Variants in EIF3A observed in about 807,000 individuals in gnomAD.
The protein encoded by EIF3A is eukaryotic translation initiation factor 3 subunit A.
A neutral mutation model predicts 186.6 loss-of-function variants in EIF3A; 21 were observed. That is an observed-to-expected ratio of 0.11 (90% CI 0.08 to 0.16). The LOEUF (loss-of-function observed/expected upper bound fraction) is 0.16. Among genes scored for constraint, EIF3A ranks in the 10% least tolerant of loss-of-function variants. The pLI is 1.00. For missense variants in EIF3A, 1,306 were observed against 1,796.3 expected, an observed-to-expected ratio of 0.73 and a Z score of 4.93; for synonymous variants, 563 against 584.3, an observed-to-expected ratio of 0.96 and a Z score of 0.52.
chr10:119,070,629 C>CA (rs1360083976), intron 5 of EIF3A, among the ~76,000 whole-genome samples: 1 of 152,134 alleles, frequency 6.6e-6, no homozygotes, highest in African/African-American at 2.4e-5. Flanking sequence ...GCAGCACTGG[C>CA]AATGTATTGT....
intron 1 of EIF3A, among the ~76,000 whole-genome samples, chr10:119,076,279 G>A (rs1844171431): frequency 6.8e-6 from 1 of 147,286 alleles, no homozygotes; most frequent in Non-Finnish European, 1.5e-5. Flanking sequence ...GTTGCGGTGA[G>A]CCGAGATAGC....
At position 119,042,339 on chromosome 10, in the gene EIF3A, G is replaced by T. The variant is rs1360285001; in HGVS notation, c.3181C>A (p.Arg1061Ser). The T allele has an allele frequency of 6.2e-7, 1 of 1,612,836 alleles. No homozygotes were observed. Among genetic ancestry groups the T allele is most frequent in the South Asian group, 1.1e-5 (1 of 90,996 alleles). ...GGADDERSSWRNADDDRGPRR... is the reference protein window; with the variant it reads ...GGADDERSSWSNADDDRGPRR... ...GGACCCCGGTCATCATCAGCATTAC[G>T]CCAGGATGATCGCTCATCATCAGCG... is the stretch of plus-strand genomic sequence containing the variant. Residue 1061 changes from arginine (R) to serine (S), a missense_variant, in exon 19 of 22, where the codon CGT becomes AGT. Physicochemically the swap from Arg to Ser is moderately radical, Grantham distance 110 (BLOSUM62 -1). Transcript: ENST00000369144. This position sits in a 1 kb window ranked among gnomAD's most constrained non-coding sequence, Gnocchi z 7.8.
intron 9 of EIF3A, chr10:119,060,035 A>G (rs747742493): frequency 5.8e-6 from 3 of 516,646 alleles, no homozygotes. Flanking sequence ...GACTGGCAGC[A>G]TTACTATTTA....
At chr10:119,055,628 T>G (rs1481856002) in intron 14 of EIF3A, among the ~76,000 whole-genome samples, 1 of 152,082 alleles carries the variant, frequency 6.6e-6, no homozygotes, top group East Asian at 1.9e-4. Context: ...TCCCAGCACT[T>G]TGGGAGGCCC....
At chr10:119,041,345 G>C (rs1055206125) in intron 19 of EIF3A, among the ~76,000 whole-genome samples, 2 of 152,186 alleles carry the variant, frequency 1.3e-5, no homozygotes, top group Admixed American at 1.3e-4. Context: ...GGGAGAGGCA[G>C]AAGGATAACT....
Position 119,060,857 on chromosome 10 carries a change from T to C in EIF3A, c.1228-13A>G. On this transcript the variant is annotated splice_polypyrimidine_tract_variant and intron_variant, in intron 8 of 21. Transcript: ENST00000369144. ...CCCAATTTAGAACCTATAAAATCCATTAAATTGAAAGAGAATCACACTTTC... is the reference window on the plus strand; with the variant it reads ...CCCAATTTAGAACCTATAAAATCCACTAAATTGAAAGAGAATCACACTTTC... The C allele has an allele frequency of 6.4e-7, 1 of 1,556,332 alleles. No homozygotes were observed. The highest frequency in any genetic ancestry group is 1.2e-5 in the South Asian group (1 of 84,518).
chr10:119,036,181 G>C lies in EIF3A; in HGVS notation c.4007C>G (p.Ser1336Ter). The change falls in exon 22 of 22, where the codon TCA (serine) becomes TGA (stop). Residue 1336 changes from serine to a stop codon, truncating the protein, a stop_gained. Transcript: ENST00000369144. LOFTEE classifies it high-confidence loss of function. The part of the protein sequence containing the change: ...PPRRVPPPAL[S>*]RDRERDRDRE... ...GTCTCGGTCTCTTTCTCGGTCTCTTGAAAGAGCTGGGGGAGGAACTCGACG... is the reference window on the plus strand; with the variant it reads ...GTCTCGGTCTCTTTCTCGGTCTCTTCAAAGAGCTGGGGGAGGAACTCGACG... The C allele has an allele frequency of 6.2e-7, 1 of 1,613,408 alleles. No individual in the cohort carries two copies. Among genetic ancestry groups the C allele is most frequent in the Non-Finnish European group, 8.5e-7 (1 of 1,179,896 alleles).
chr10:119,039,645 G>A (rs1848182162), intron 19 of EIF3A, among the ~76,000 whole-genome samples: 1 of 152,158 alleles, frequency 6.6e-6, no homozygotes, highest in African/African-American at 2.4e-5. Context: ...ACTCCAGCCT[G>A]GGAGACAGTG....
intron 21 of EIF3A, 25 bp from the exon 22 acceptor site, chr10:119,036,293 AAATT>A: frequency 1.3e-6 from 2 of 1,535,992 alleles, no homozygotes; most frequent in Middle Eastern, 3.5e-4. Context: ...TAAAAAAAAA[AAATT>A]AAGTTAGTAC....
intron 7 of EIF3A, among the ~76,000 whole-genome samples, chr10:119,063,192 CTTTAT>C (rs1843918005): frequency 6.6e-6 from 1 of 152,074 alleles, no homozygotes; most frequent in African/African-American, 2.4e-5. Flanking sequence ...ACTGCTGTTG[CTTTAT>C]TACATTGAGT....
In EIF3A at chr10:119,042,039, C is replaced by G. The variant is rs764157875; in HGVS notation, c.3481G>C (p.Gly1161Arg). The stretch of plus-strand genomic sequence containing the variant: ...CAAGGACCAGGTCTTGAGTCATCAC[C>G]CCGTCTGGGAAACCGATCATCATCA... ...RADDDRFPRR[G>R]DDSRPGPWRP... The change falls in exon 19 of 22, where the codon GGT becomes CGT. Residue 1161 changes from glycine (G) to arginine (R), a missense_variant. By Grantham distance (125) the Gly-to-Arg change is moderately radical. This residue lies in a region of EIF3A where 331 missense variants were observed against 365.8 expected (regional missense o/e 0.90). Transcript: ENST00000369144. The surrounding 1 kb of genome is among the most constrained non-coding windows in gnomAD (Gnocchi z 7.8). 3.1e-6 allele frequency: 5 copies of G among 1,614,180 alleles called. No individual in the cohort carries two copies. In the South Asian group the frequency reaches 5.5e-5, roughly 18 times the overall value.
intron 17 of EIF3A, among the ~76,000 whole-genome samples, chr10:119,049,123 T>TA (rs1290258261): frequency 6.6e-6 from 1 of 152,080 alleles, no homozygotes; most frequent in African/African-American, 2.4e-5. Context: ...CTTCCCCCCT[T>TA]AGGTGCCTTC....
chr10:119,060,923 T>A (rs540913660), intron 8 of EIF3A, 79 bp from the exon 9 acceptor site: 46 of 961,506 alleles, frequency 4.8e-5, no homozygotes, highest in Non-Finnish European at 6.5e-5. Flanking sequence ...CTTTTTTTTT[T>A]AATATACAAA....
chr10:119,045,736 G>GT (rs1848273905), intron 17 of EIF3A, among the ~76,000 whole-genome samples: 2 of 152,104 alleles, frequency 1.3e-5, no homozygotes, highest in Non-Finnish European at 1.5e-5. Context: ...GCTCATTTTT[G>GT]TATTTTTTGT....
At chr10:119,074,475 A>T (rs28463960) in intron 1 of EIF3A, among the ~76,000 whole-genome samples, 2 of 151,940 alleles carry the variant, frequency 1.3e-5, no homozygotes, top group South Asian at 2.1e-4. Flanking sequence ...CTCAAAAAAA[A>T]AAAATAAAAT....
intron 1 of EIF3A, among the ~76,000 whole-genome samples, chr10:119,079,893 G>A (rs755477718): frequency 6.6e-6 from 1 of 152,172 alleles, no homozygotes; most frequent in Non-Finnish European, 1.5e-5. Context: ...ATCTTTAAGA[G>A]GCGACCTGAA....
intron 21 of EIF3A, 32 bp downstream of exon 21, chr10:119,037,087 T>G (rs755510921): frequency 1.9e-6 from 1 of 523,768 alleles, no homozygotes; most frequent in Non-Finnish European, 3.4e-6. Context: ...ACGACAGTTC[T>G]CCAATACTTC....
At chr10:119,071,653 C>T (rs996610124) in intron 4 of EIF3A, among the ~76,000 whole-genome samples, 1 of 152,110 alleles carries the variant, frequency 6.6e-6, no homozygotes, top group South Asian at 2.1e-4. Flanking sequence ...TTTTAACAGG[C>T]CTAAAACAGA....
chr10:119,038,107 G>C, intron 20 of EIF3A, 131 bp downstream of exon 20: 1 of 757,092 alleles, frequency 1.3e-6, no homozygotes, highest in Non-Finnish European at 2.2e-6. Flanking sequence ...AGTAGAGATG[G>C]GGTTTCACTA....
Sources: gnomAD v4.1 joint callset for allele counts (sites outside exome capture counted in the v4.1 genomes callset) on GRCh38, gnomAD v4.1.1 for gene constraint, gnomAD v4.1.1 regional missense constraint, Gnocchi (gnomAD v3.1) non-coding constraint, MANE v1.5 for transcripts, NCBI Gene and HGNC (gene_info 2026-07-23, HGNC 2026-07-21) for gene names.